The following TRDN variants were observed in gnomAD, a reference collection of about 807,000 sequenced individuals.
TRDN encodes the protein triadin in skeletal muscle.
Under a neutral mutation model 149.7 loss-of-function variants are expected in TRDN, and 161 were observed. The observed-to-expected ratio is 1.08, with a 90% confidence interval of 0.95 to 1.23. TRDN has a LOEUF of 1.23. TRDN is among the 50% of genes most tolerant of loss of function. The probability of loss-of-function intolerance (pLI) is 0.00; values close to 1 mark genes in which losing one functional copy is unlikely to be tolerated. For missense variants in TRDN, 896 were observed against 823.5 expected, an observed-to-expected ratio of 1.09 and a Z score of -1.08; for synonymous variants, 294 against 250.5, an observed-to-expected ratio of 1.17 and a Z score of -1.64.
chr6:123,366,326 G>C (rs911135987), intron 19 of TRDN, 144 bp from the exon 20 acceptor site: 20 of 642,098 alleles, frequency 3.1e-5, no homozygotes, highest in Non-Finnish European at 5.2e-5. Flanking sequence ...AAAATACAAA[G>C]TGCTTATATG....
chr6:123,235,116 G>T (rs1476192737), intron 38 of TRDN, among the ~76,000 whole-genome samples: 2 of 152,096 alleles, frequency 1.3e-5, no homozygotes, highest in Non-Finnish European at 2.9e-5. Flanking sequence ...TACATATTGA[G>T]ACAAATGAAT....
chr6:123,610,517 T>C (rs1431669860), intron 1 of TRDN, among the ~76,000 whole-genome samples: 1 of 152,192 alleles, frequency 6.6e-6, no homozygotes, highest in Non-Finnish European at 1.5e-5. Context: ...AAGCAATTTT[T>C]TTCATAGTCG....
chr6:123,346,480 A>G (rs1056939809), intron 21 of TRDN, among the ~76,000 whole-genome samples: 14 of 151,868 alleles, frequency 9.2e-5, no homozygotes, highest in Non-Finnish European at 1.6e-4. Flanking sequence ...TTTGTGATGG[A>G]TATGTACACA....
At chr6:123,548,209 CATTAAT>C (rs957249444) in intron 3 of TRDN, among the ~76,000 whole-genome samples, 1 of 151,936 alleles carries the variant, frequency 6.6e-6, no homozygotes, top group Admixed American at 6.6e-5. Flanking sequence ...TGTAATGCTA[CATTAAT>C]ATTAACATTT....
intron 1 of TRDN, among the ~76,000 whole-genome samples, chr6:123,591,873 A>G (rs1184663095): frequency 6.6e-6 from 1 of 152,236 alleles, no homozygotes; most frequent in East Asian, 1.9e-4. Flanking sequence ...AACACAAATA[A>G]TACTTTATAC....
At chr6:123,412,658 C>A (rs964371986) in intron 12 of TRDN, among the ~76,000 whole-genome samples, 2 of 152,138 alleles carry the variant, frequency 1.3e-5, no homozygotes, top group Non-Finnish European at 2.9e-5. Context: ...TTGGTTACAT[C>A]TCTTTATCAA....
chr6:123,576,345 C>T (rs2114560287), intron 1 of TRDN, among the ~76,000 whole-genome samples: 1 of 152,082 alleles, frequency 6.6e-6, no homozygotes. Flanking sequence ...TAATGAATGC[C>T]CTAAATTGCC....
At chr6:123,386,256 A>T (rs1418725480) in intron 14 of TRDN, among the ~76,000 whole-genome samples, 1 of 152,216 alleles carries the variant, frequency 6.6e-6, no homozygotes, top group Non-Finnish European at 1.5e-5. Context: ...CATGCAGGAA[A>T]GTATTTTTAA....
chr6:123,342,201 GA>G (rs1204165852), intron 21 of TRDN, among the ~76,000 whole-genome samples: 2 of 151,784 alleles, frequency 1.3e-5, no homozygotes, highest in African/African-American at 4.8e-5. Context: ...GAAAGATCAG[GA>G]ATATTTAAAG....
chr6:123,545,694 A>C (rs1044965997), intron 4 of TRDN, among the ~76,000 whole-genome samples: 3 of 151,978 alleles, frequency 2.0e-5, no homozygotes, highest in Non-Finnish European at 4.4e-5. Context: ...CCCTTAGACT[A>C]TTTTTGACTA....
At chr6:123,503,596 T>G in intron 8 of TRDN, 123 bp downstream of exon 8, 1 of 1,493,952 alleles carries the variant, frequency 6.7e-7, no homozygotes, top group South Asian at 1.3e-5. Flanking sequence ...ATATTTACTT[T>G]AATGTCTTTT....
chr6:123,388,607 C>T, intron 13 of TRDN, 56 bp from the exon 14 acceptor site: 1 of 1,543,570 alleles, frequency 6.5e-7, no homozygotes, highest in Admixed American at 1.9e-5. Context: ...TCAGAATACT[C>T]CCCAGAATAT....
intron 1 of TRDN, among the ~76,000 whole-genome samples, chr6:123,574,492 T>C (rs1378767820): frequency 3.9e-5 from 6 of 151,922 alleles, no homozygotes; most frequent in Non-Finnish European, 1.5e-5. Context: ...AAATGCAATT[T>C]AAGACCCAAG....
chr6:123,549,551 T>C (rs1012209475), intron 2 of TRDN, among the ~76,000 whole-genome samples: 2 of 152,108 alleles, frequency 1.3e-5, no homozygotes, highest in East Asian at 1.9e-4. Context: ...ATGAGAATTA[T>C]ATCAATGTAT....
intron 19 of TRDN, among the ~76,000 whole-genome samples, chr6:123,374,870 G>C (rs950553230): frequency 1.3e-5 from 2 of 152,050 alleles, no homozygotes; most frequent in African/African-American, 4.8e-5. Flanking sequence ...ACCAGTACTT[G>C]TTTACCTCTA....
intron 4 of TRDN, among the ~76,000 whole-genome samples, chr6:123,531,558 G>A (rs1351329799): frequency 1.3e-5 from 2 of 151,982 alleles, no homozygotes; most frequent in African/African-American, 2.4e-5. Context: ...CATTGTGAAG[G>A]TTTTCTTCCT....
chr6:123,474,927 T>C (rs1365547225), intron 9 of TRDN, among the ~76,000 whole-genome samples: 1 of 151,222 alleles, frequency 6.6e-6, no homozygotes, highest in Non-Finnish European at 1.5e-5. Context: ...TTCAAAGCAG[T>C]GTGTAGAGGG....
chr6:123,253,921 G>C (rs1018685961), intron 37 of TRDN, among the ~76,000 whole-genome samples: 3 of 152,064 alleles, frequency 2.0e-5, no homozygotes, highest in Admixed American at 6.6e-5. Context: ...CAGCGTAATA[G>C]AATACTGAAG....
At chr6:123,273,751 A>G (rs146571138) in intron 27 of TRDN, among the ~76,000 whole-genome samples, 193 of 152,174 alleles carry the variant, frequency 1.3e-3, no homozygotes, top group Non-Finnish European at 2.2e-3. Flanking sequence ...ATATGTGTCT[A>G]GATTTGTATT....
Sources: allele counts gnomAD v4.1 joint callset (sites outside exome capture counted in the v4.1 genomes callset), GRCh38; gene constraint gnomAD v4.1.1; transcripts MANE v1.5; gene names NCBI Gene and HGNC (gene_info 2026-07-23, HGNC 2026-07-21).